GRHL3: variants seen among roughly 807,000 people sequenced by gnomAD.
GRHL3 encodes grainyhead like transcription factor 3, also known as grainyhead-like protein 3 homolog.
A neutral mutation model predicts 70.3 loss-of-function variants in GRHL3; 20 were observed. The observed-to-expected ratio is 0.28, with a 90% CI of 0.20 to 0.41. The LOEUF (loss-of-function observed/expected upper bound fraction) is 0.41, where lower values mean the gene tolerates loss of function less well. Ranked by LOEUF, GRHL3 falls within the 10% of genes least tolerant of loss-of-function variation. The pLI is 1.00. For synonymous variants in GRHL3, 299 were observed against 299.9 expected (o/e 1.00, Z 0.03); for missense variants, 637 against 762.3 (o/e 0.84, Z 1.94).
intron 11 of GRHL3, among the ~76,000 whole-genome samples, chr1:24,343,586 G>A (rs1245054475): frequency 6.6e-6 from 1 of 152,176 alleles, no homozygotes; most frequent in African/African-American, 2.4e-5. Flanking sequence ...CGCCTCTCAA[G>A]CAGCCGGGAC....
chr1:24,361,085 G>T, intron 15 of GRHL3: 3 of 1,532,274 alleles, frequency 2.0e-6, no homozygotes, highest in Non-Finnish European at 2.6e-6. Flanking sequence ...AGGCAGTCTA[G>T]TGGGGAAGGC....
chr1:24,337,123 T>A lies in GRHL3; in HGVS notation c.658T>A (p.Cys220Ser). ...DILKTSPEPP[C>S]PEDYPSLKSD... is the part of the protein sequence containing the mutation. ...CCTGAAAACCTCCCCGGAACCCCCA[T>A]GTCCAGAGGACTACCCCAGCCTCAA... The change falls in exon 5 of 16, where the codon TGT (cysteine) becomes AGT (serine). Residue 220 changes from cysteine (C) to serine (S), a missense_variant. Cys to Ser is a moderately radical substitution (Grantham distance 112). Coordinates refer to ENST00000361548, the MANE Select transcript of GRHL3 (RefSeq NM_198173.3). 6.2e-7 allele frequency: 1 copy of A among 1,614,068 alleles called. No individual in the cohort carries two copies. Among genetic ancestry groups the A allele is most frequent in the Non-Finnish European group, 8.5e-7 (1 of 1,179,950 alleles).
intron 5 of GRHL3, 158 bp from the exon 6 acceptor site, chr1:24,337,478 C>A (rs1365612702): frequency 6.9e-6 from 5 of 720,472 alleles, no homozygotes; most frequent in Non-Finnish European, 1.1e-5. Context: ...TTAAATAGAA[C>A]CCCCAAATTG....
Position 24,342,408 on chromosome 1 carries a change from C to T in GRHL3, c.1206+135C>T, listed in dbSNP as rs74062154. Reference sequence around the variant, plus strand: ...CTATCCCTTCTCCTCCTTCCCCTCTCCTCCTCCACCCCCACTCCTCCATCT... The same window carrying T: ...CTATCCCTTCTCCTCCTTCCCCTCTTCTCCTCCACCCCCACTCCTCCATCT... On this transcript the variant is annotated intron_variant, in intron 9 of 15. Coordinates refer to ENST00000361548, the MANE Select transcript of GRHL3 (RefSeq NM_198173.3). The surrounding 1 kb of genome is among the most constrained non-coding windows in gnomAD (Gnocchi z 4.8). 2.4e-3 allele frequency: 1,723 copies of T among 713,740 alleles called. 29 individuals carry two copies. The African/African-American group carries it at 0.027, about 11-fold the overall frequency. The allele number at this position is 713,740 out of a possible 1,614,324, so 44.2% of individuals were successfully genotyped here. A position where few individuals can be genotyped will look rare whatever the true frequency, so the allele number is the denominator to read the frequency against.
intron 15 of GRHL3, chr1:24,361,183 A>C: frequency 5.7e-6 from 4 of 706,454 alleles, no homozygotes; most frequent in South Asian, 2.5e-5. Context: ...CCCTAGCTCC[A>C]CTGGTAGTGA....
At chr1:24,349,432 A>C (rs1640416972) in intron 14 of GRHL3, among the ~76,000 whole-genome samples, 3 of 152,256 alleles carry the variant, frequency 2.0e-5, no homozygotes, top group Non-Finnish European at 4.4e-5. Context: ...CCCCTGTCCC[A>C]GCAGGGCAAG....
intron 3 of GRHL3, among the ~76,000 whole-genome samples, chr1:24,336,141 G>A (rs1177469206): frequency 6.6e-6 from 1 of 151,800 alleles, no homozygotes. Context: ...ACTCAATACA[G>A]TTGTTTTGAA....
At position 24,342,548 on chromosome 1, in the gene GRHL3, G is replaced by A. The variant is rs1640084789; in HGVS notation, c.1207-146G>A. 1 of 858,348 alleles carries A rather than the reference G, an allele frequency of 1.2e-6. No homozygotes were observed. Among genetic ancestry groups the A allele is most frequent in the Non-Finnish European group, 1.9e-6 (1 of 525,592 alleles). The allele number at this position is 858,348 out of a possible 1,614,324, so 53.2% of individuals were successfully genotyped here. ...CCACTGGCCAGGCTGGGCCAGGTAA[G>A]TGCTGGTACCTTCCCATTTCCTGGT... On this transcript the variant is annotated intron_variant, in intron 9 of 15. Coordinates refer to ENST00000361548, the MANE Select transcript of GRHL3 (RefSeq NM_198173.3). The surrounding 1 kb of genome is among the most constrained non-coding windows in gnomAD (Gnocchi z 4.8).
At chr1:24,355,914 T>C (rs1298574980), downstream of GRHL3, among the ~76,000 whole-genome samples, 2 of 132,716 alleles carry the variant, frequency 1.5e-5, no homozygotes, top group African/African-American at 2.9e-5. Context: ...TTTTTTTTTT[T>C]TCTTGCGATG....
intron 15 of GRHL3, among the ~76,000 whole-genome samples, chr1:24,362,753 G>C (rs942027814): frequency 6.6e-6 from 1 of 152,184 alleles, no homozygotes. Context: ...TGGTCAGAGA[G>C]GACACTGAAA....
At chr1:24,351,349 C>T (rs1275578067) in intron 15 of GRHL3, among the ~76,000 whole-genome samples, 2 of 152,134 alleles carry the variant, frequency 1.3e-5, no homozygotes, top group Non-Finnish European at 2.9e-5. Flanking sequence ...CCTTCCTAGC[C>T]TTCCATAGAA....
At chr1:24,335,588 T>TC (rs1440731669) in intron 3 of GRHL3, among the ~76,000 whole-genome samples, 3 of 151,234 alleles carry the variant, frequency 2.0e-5, no homozygotes, top group African/African-American at 7.3e-5. Context: ...AAACTAATTT[T>TC]TTTTTTTTTT....
chr1:24,325,917 T>C (rs572215684), intron 1 of GRHL3, among the ~76,000 whole-genome samples: 1 of 152,264 alleles, frequency 6.6e-6, no homozygotes, highest in East Asian at 1.9e-4. Flanking sequence ...TCTGTGAAGG[T>C]TCTGGATGCT....
In GRHL3 at chr1:24,354,703, C is replaced by T; in HGVS notation, c.*215C>T. On this transcript the variant is annotated 3_prime_UTR_variant, in exon 16 of 16. Transcript: ENST00000361548. ...TCCCCATGGTATGCTTGAATCTGCT[C>T]CCTGAACTTCCTGCCAGTGCCTCCC... 2.1e-6 allele frequency: 1 copy of T among 480,004 alleles called. No individual in the cohort carries two copies. Among genetic ancestry groups the T allele is most frequent in the Non-Finnish European group, 3.8e-6 (1 of 264,996 alleles). 29.7% of individuals were successfully genotyped at this position (480,004 alleles called of 1,614,324 possible).
At chr1:24,337,955 A>G (rs1639887894) in intron 6 of GRHL3, 37 bp from the exon 7 acceptor site, 4 of 1,552,800 alleles carry the variant, frequency 2.6e-6, no homozygotes, top group Non-Finnish European at 1.8e-6. Flanking sequence ...GGCTCTAGGA[A>G]GAGGCCGGGA....
At chr1:24,347,599 G>C in intron 14 of GRHL3, 46 bp downstream of exon 14, 1 of 1,424,784 alleles carries the variant, frequency 7.0e-7, no homozygotes, top group Non-Finnish European at 9.9e-7. Flanking sequence ...CCCCCTCTAG[G>C]CTCCTGTCCC....
chr1:24,352,211 C>T (rs1640541394), intron 15 of GRHL3, among the ~76,000 whole-genome samples: 2 of 152,262 alleles, frequency 1.3e-5, no homozygotes, highest in South Asian at 4.2e-4. Flanking sequence ...AGGCCAGGCT[C>T]ATCTTCTGCC....
At chr1:24,326,625 G>A (rs140596571) in intron 1 of GRHL3, among the ~76,000 whole-genome samples, 1 of 152,304 alleles carries the variant, frequency 6.6e-6, no homozygotes, top group African/African-American at 2.4e-5. Flanking sequence ...CCCAGGACAG[G>A]TTCTGGCACA....
chr1:24,349,156 G>C (rs1011199722), intron 14 of GRHL3, among the ~76,000 whole-genome samples: 2 of 152,200 alleles, frequency 1.3e-5, no homozygotes, highest in Admixed American at 6.5e-5. Context: ...GACCAGACTG[G>C]ATGTGCCTGC....
Sources: allele counts gnomAD v4.1 joint callset (sites outside exome capture counted in the v4.1 genomes callset), GRCh38; gene constraint gnomAD v4.1.1; non-coding constraint Gnocchi (gnomAD v3.1); transcripts MANE v1.5; gene names NCBI Gene and HGNC (gene_info 2026-07-23, HGNC 2026-07-21).